SPOCK3: variants seen among roughly 807,000 people sequenced by gnomAD.
SPOCK3 encodes the protein SPARC (osteonectin), cwcv and kazal like domains proteoglycan 3.
A neutral mutation model predicts 56.6 loss-of-function variants in SPOCK3; 30 were observed. That is an observed-to-expected ratio of 0.53 (90% confidence interval 0.40 to 0.72). The LOEUF is 0.72. SPOCK3 is among the 30% of genes least tolerant of loss of function. SPOCK3 has a pLI of 0.00. For missense variants in SPOCK3, 527 were observed against 530.0 expected (o/e 0.99, Z 0.06); for synonymous variants, 196 against 183.3 (o/e 1.07, Z -0.56).
intron 2 of SPOCK3, among the ~76,000 whole-genome samples, chr4:167,102,734 G>A (rs76079237): frequency 0.02 from 2,964 of 151,930 alleles, 79 homozygotes; most frequent in African/African-American, 0.066. Context: ...CCATCCCAGC[G>A]GTTGAAACGT....
chr4:166,957,350 A>C (rs114182381), intron 4 of SPOCK3, among the ~76,000 whole-genome samples: 4,056 of 152,246 alleles, frequency 0.027, 167 homozygotes, highest in African/African-American at 0.091. Flanking sequence ...TGGGCCCTGA[A>C]CTCATGCATT....
At chr4:166,798,681 A>C (rs1348111497) in intron 6 of SPOCK3, among the ~76,000 whole-genome samples, 2 of 152,208 alleles carry the variant, frequency 1.3e-5, no homozygotes, top group African/African-American at 2.4e-5. Context: ...AATTATAACC[A>C]AAGCAAAATT....
chr4:167,074,122 T>G (rs1381259498), intron 2 of SPOCK3, among the ~76,000 whole-genome samples: 1 of 151,894 alleles, frequency 6.6e-6, no homozygotes, highest in African/African-American at 2.4e-5. Context: ...TAAAGGGTTA[T>G]GTGGAAGATA....
chr4:166,988,785 G>A (rs866826604), intron 4 of SPOCK3, among the ~76,000 whole-genome samples: 1 of 151,978 alleles, frequency 6.6e-6, no homozygotes, highest in Non-Finnish European at 1.5e-5. Context: ...GTAAAAGGAC[G>A]AAAATAATAG....
chr4:166,825,176 G>A (rs1745329092), intron 6 of SPOCK3, among the ~76,000 whole-genome samples: 1 of 152,054 alleles, frequency 6.6e-6, no homozygotes, highest in Non-Finnish European at 1.5e-5. Context: ...TCCACTTGAT[G>A]AAGGTCTACG....
chr4:166,827,838 G>GAAA (rs70955696), intron 6 of SPOCK3, among the ~76,000 whole-genome samples: 11 of 144,920 alleles, frequency 7.6e-5, no homozygotes, highest in Admixed American at 1.4e-4. Flanking sequence ...CTCATCAAGG[G>GAAA]AAAAAAAAAA....
At chr4:166,766,605 G>A (rs188852585) in intron 7 of SPOCK3, among the ~76,000 whole-genome samples, 21 of 152,254 alleles carry the variant, frequency 1.4e-4, no homozygotes, top group Non-Finnish European at 2.4e-4. Context: ...TCTTATTGAG[G>A]ATTTTTGCAT....
intron 2 of SPOCK3, among the ~76,000 whole-genome samples, chr4:167,131,995 T>G (rs2150382889): frequency 6.6e-6 from 1 of 152,324 alleles, no homozygotes; most frequent in South Asian, 2.1e-4. Context: ...TGAATGTTAC[T>G]TTTTTATCTA....
chr4:166,813,129 AC>A (rs1744010714), intron 6 of SPOCK3, among the ~76,000 whole-genome samples: 1 of 152,074 alleles, frequency 6.6e-6, no homozygotes, highest in Non-Finnish European at 1.5e-5. Context: ...TGTAACATAA[AC>A]CTTAAAATGA....
At chr4:167,178,828 A>T (rs1307342692) in intron 2 of SPOCK3, among the ~76,000 whole-genome samples, 1 of 152,176 alleles carries the variant, frequency 6.6e-6, no homozygotes, top group Admixed American at 6.6e-5. Context: ...ATACATAATT[A>T]AAATAAAATA....
intron 2 of SPOCK3, among the ~76,000 whole-genome samples, chr4:167,203,744 T>G (rs1733750675): frequency 2.0e-5 from 3 of 151,744 alleles, no homozygotes. Flanking sequence ...GTGTAGCCCT[T>G]GAAAAATTCC....
chr4:166,827,929 A>T (rs536852853), intron 6 of SPOCK3, among the ~76,000 whole-genome samples: 1 of 152,140 alleles, frequency 6.6e-6, no homozygotes, highest in East Asian at 1.9e-4. Context: ...ATTACAGAGC[A>T]TCTCTCTTTT....
At chr4:167,108,471 G>T (rs1156756518) in intron 2 of SPOCK3, among the ~76,000 whole-genome samples, 1 of 151,878 alleles carries the variant, frequency 6.6e-6, no homozygotes, top group Non-Finnish European at 1.5e-5. Flanking sequence ...ATACTATTCA[G>T]CCATAAAAAG....
rs1297211430 is a variant in SPOCK3, at chr4:167,022,231, T to A, written c.236-21768A>T. Among the ~76,000 whole-genome samples the A allele has an allele frequency of 2.6e-5, 4 of 152,112 alleles. No individual in the cohort carries two copies. The East Asian group carries it at 7.8e-4, about 30-fold the overall frequency. Reference sequence around the variant, plus strand: ...CAGCCAGGCTATGCGAGCCTTATGATCCAAGACCCAGTAGGAGAATATAAT... The same window carrying A: ...CAGCCAGGCTATGCGAGCCTTATGAACCAAGACCCAGTAGGAGAATATAAT... On this transcript the variant is annotated intron_variant, in intron 3 of 10. Coordinates refer to ENST00000357545, the MANE Select transcript of SPOCK3 (RefSeq NM_001040159.2).
intron 7 of SPOCK3, among the ~76,000 whole-genome samples, chr4:166,780,059 G>A: frequency 6.6e-6 from 1 of 152,136 alleles, no homozygotes; most frequent in East Asian, 1.9e-4. Flanking sequence ...TAGAATGTGA[G>A]AAGTTAAAAA....
chr4:166,907,408 C>A (rs888792233), intron 5 of SPOCK3, among the ~76,000 whole-genome samples: 1 of 152,066 alleles, frequency 6.6e-6, no homozygotes, highest in Non-Finnish European at 1.5e-5. Flanking sequence ...AATGAGCAAT[C>A]AGGGATTTGA....
chr4:166,738,267 G>A (rs1734427088), intron 9 of SPOCK3, among the ~76,000 whole-genome samples: 1 of 151,734 alleles, frequency 6.6e-6, no homozygotes, highest in African/African-American at 2.4e-5. Context: ...GACTGTCCTT[G>A]CATACTTTCA....
intron 6 of SPOCK3, among the ~76,000 whole-genome samples, chr4:166,882,267 C>T (rs1167567868): frequency 6.6e-6 from 1 of 151,532 alleles, no homozygotes; most frequent in Admixed American, 6.6e-5. Flanking sequence ...GAAATGTATT[C>T]ATCTTAACAT....
At chr4:167,157,584 T>A (rs2150430734) in intron 2 of SPOCK3, among the ~76,000 whole-genome samples, 1 of 151,836 alleles carries the variant, frequency 6.6e-6, no homozygotes, top group South Asian at 2.1e-4. Flanking sequence ...TGTGAGACAT[T>A]TACCAAGCAT....
Sources: allele counts gnomAD v4.1 joint callset (sites outside exome capture counted in the v4.1 genomes callset), GRCh38; gene constraint gnomAD v4.1.1; transcripts MANE v1.5; gene names NCBI Gene and HGNC (gene_info 2026-07-23, HGNC 2026-07-21).